The following SLC39A11 variants were observed in gnomAD, a reference collection of about 807,000 sequenced individuals.
SLC39A11 encodes zinc transporter ZIP11.
A neutral mutation model predicts 36.1 loss-of-function variants in SLC39A11; 33 were observed. The ratio of observed to expected loss-of-function variants is 0.91; its 90% CI spans 0.69 to 1.22. The LOEUF (loss-of-function observed/expected upper bound fraction) is 1.22, where lower values mean the gene tolerates loss of function less well. Ranked by LOEUF, SLC39A11 falls within the 50% of genes most tolerant of loss-of-function variation. The pLI, the probability that SLC39A11 is intolerant of heterozygous loss-of-function variation, is 0.00. For missense variants in SLC39A11, 432 were observed against 430.3 expected (o/e 1.00, Z -0.03); for synonymous variants, 166 against 170.3 (o/e 0.97, Z 0.20).
chr17:72,680,120 A>T (rs1598324755), intron 7 of SLC39A11, among the ~76,000 whole-genome samples: 1 of 150,246 alleles, frequency 6.7e-6, no homozygotes, highest in South Asian at 2.1e-4. Context: ...TTAACCATTT[A>T]TGAGGTGTAC....
At chr17:72,794,789 A>T (rs2076838192) in intron 6 of SLC39A11, among the ~76,000 whole-genome samples, 1 of 151,956 alleles carries the variant, frequency 6.6e-6, no homozygotes, top group African/African-American at 2.4e-5. Context: ...GCCCCTCTGA[A>T]TTAATTATCT....
intron 6 of SLC39A11, among the ~76,000 whole-genome samples, chr17:72,810,417 T>C (rs578151112): frequency 1.6e-4 from 24 of 152,294 alleles, no homozygotes; most frequent in African/African-American, 4.3e-4. Context: ...GTAAAAAACA[T>C]GTAATCAACT....
intron 6 of SLC39A11, among the ~76,000 whole-genome samples, chr17:72,739,338 G>A (rs960373843): frequency 1.3e-5 from 2 of 152,222 alleles, no homozygotes; most frequent in African/African-American, 4.8e-5. Flanking sequence ...TGTTGGCCGG[G>A]CTGGTCTTGA....
intron 4 of SLC39A11, among the ~76,000 whole-genome samples, chr17:73,009,718 G>A (rs1012079448): frequency 1.3e-5 from 2 of 152,122 alleles, no homozygotes; most frequent in Non-Finnish European, 2.9e-5. Context: ...TTTATGCTAT[G>A]TGAATTTCAT....
chr17:72,887,934 G>A (rs1433886238), intron 5 of SLC39A11, among the ~76,000 whole-genome samples: 1 of 152,130 alleles, frequency 6.6e-6, no homozygotes, highest in Non-Finnish European at 1.5e-5. Context: ...CTTCTCAATT[G>A]TTTTCAATGA....
intron 4 of SLC39A11, among the ~76,000 whole-genome samples, chr17:72,983,361 C>G (rs2088478194): frequency 6.6e-6 from 1 of 152,166 alleles, no homozygotes. Context: ...GTTGGCCAGG[C>G]TGGTCTCAAG....
intron 3 of SLC39A11, among the ~76,000 whole-genome samples, chr17:73,037,147 G>T (rs2058947050): frequency 6.6e-6 from 1 of 152,172 alleles, no homozygotes; most frequent in Admixed American, 6.5e-5. Flanking sequence ...CTTTTTGGTT[G>T]CTTCTGAGTT....
chr17:73,065,820 T>C (rs1345357102), intron 3 of SLC39A11, among the ~76,000 whole-genome samples: 1 of 152,186 alleles, frequency 6.6e-6, no homozygotes, highest in Admixed American at 6.5e-5. Context: ...TTTAAGTTAG[T>C]AAACTGAATA....
At chr17:73,041,023 A>G (rs2059096457) in intron 3 of SLC39A11, among the ~76,000 whole-genome samples, 1 of 150,452 alleles carries the variant, frequency 6.6e-6, no homozygotes, top group Non-Finnish European at 1.5e-5. Flanking sequence ...AAAAAAAAAC[A>G]GTATTAACAG....
intron 4 of SLC39A11, among the ~76,000 whole-genome samples, chr17:72,971,336 ACTCTCTCT>A (rs369016332): frequency 7.0e-6 from 1 of 143,412 alleles, no homozygotes; most frequent in Non-Finnish European, 1.5e-5. Flanking sequence ...ACACACACAC[ACTCTCTCT>A]CTCTCTCTCT....
At chr17:72,984,522 C>T (rs1301858385) in intron 4 of SLC39A11, among the ~76,000 whole-genome samples, 1 of 152,202 alleles carries the variant, frequency 6.6e-6, no homozygotes, top group Non-Finnish European at 1.5e-5. Flanking sequence ...AGCAAAGCAG[C>T]TGTTCTCAAA....
chr17:73,009,393 T>C (rs1455486824), intron 4 of SLC39A11, among the ~76,000 whole-genome samples: 2 of 149,880 alleles, frequency 1.3e-5, no homozygotes, highest in African/African-American at 4.9e-5. Context: ...TGAAGTTTGA[T>C]ACATGCTACA....
intron 6 of SLC39A11, among the ~76,000 whole-genome samples, chr17:72,771,909 C>A (rs2075961027): frequency 6.6e-6 from 1 of 152,192 alleles, no homozygotes; most frequent in African/African-American, 2.4e-5. Context: ...GGCACAGAGG[C>A]TGCCCTCCCT....
intron 7 of SLC39A11, among the ~76,000 whole-genome samples, chr17:72,712,136 T>C (rs779301370): frequency 2.0e-5 from 3 of 152,200 alleles, no homozygotes; most frequent in Non-Finnish European, 4.4e-5. Context: ...GTTGTTGTCA[T>C]TAAGCTGAGA....
chr17:72,887,709 G>A (rs918299625), intron 5 of SLC39A11, among the ~76,000 whole-genome samples: 4 of 152,128 alleles, frequency 2.6e-5, no homozygotes, highest in African/African-American at 4.8e-5. Context: ...AATTCAAAGA[G>A]CAGAAAATAT....
In SLC39A11 at chr17:72,890,238, T is replaced by C. The variant is rs368020996; in HGVS notation, c.431-40434A>G. Among the ~76,000 whole-genome samples the C allele has an allele frequency of 1.4e-4, 21 of 151,370 alleles. No homozygotes were observed. In the East Asian group the frequency reaches 2.9e-3, roughly 21 times the overall value. ...CGAGATAGCGCCACTGCACTCCAGC[T>C]TGGGTGACAGAGTGAGACTCCATCT... is the stretch of plus-strand genomic sequence containing the variant. On this transcript the variant is annotated intron_variant, in intron 5 of 9. Transcript: ENST00000255559.
At chr17:73,013,923 AG>A (rs2148524033) in intron 4 of SLC39A11, among the ~76,000 whole-genome samples, 1 of 152,310 alleles carries the variant, frequency 6.6e-6, no homozygotes, top group East Asian at 1.9e-4. Flanking sequence ...GCAGAGGCCC[AG>A]CGATTTGATG....
intron 6 of SLC39A11, among the ~76,000 whole-genome samples, chr17:72,800,012 G>A (rs974172319): frequency 1.3e-5 from 2 of 152,074 alleles, no homozygotes; most frequent in Non-Finnish European, 2.9e-5. Context: ...CAGCCCAGCT[G>A]TAAAATTCCT....
Position 72,659,971 on chromosome 17 carries a change from T to C in SLC39A11, c.672-10703A>G, listed in dbSNP as rs368192148. On this transcript the variant is annotated intron_variant, in intron 7 of 9. Coordinates refer to ENST00000255559, the MANE Select transcript of SLC39A11 (RefSeq NM_139177.4). ...ACCTGAGTGTTAAACACCCCAGCCA[T>C]ACCTCAGGTGTTTTCCAAGGCCGGA... Among the ~76,000 whole-genome samples the C allele has an allele frequency of 2.0e-5, 3 of 152,236 alleles. No homozygotes were observed. In the South Asian group the frequency reaches 6.2e-4, roughly 32 times the overall value.
Sources: gnomAD v4.1 joint callset for allele counts (sites outside exome capture counted in the v4.1 genomes callset) on GRCh38, gnomAD v4.1.1 for gene constraint, MANE v1.5 for transcripts, NCBI Gene and HGNC (gene_info 2026-07-23, HGNC 2026-07-21) for gene names.